GYPC: variants seen among roughly 807,000 people sequenced by gnomAD.
GYPC encodes glycophorin-C.
In GYPC, 14 loss-of-function variants were observed where a neutral mutation model predicts 12.6. The observed-to-expected ratio is 1.11, with a 90% CI of 0.74 to 1.74. GYPC has a LOEUF of 1.74. Ranked by LOEUF, GYPC falls within the 40% of genes most tolerant of loss-of-function variation. The pLI is 0.00. For missense variants in GYPC, 225 were observed against 172.1 expected, an observed-to-expected ratio of 1.31 and a Z score of -1.72; for synonymous variants, 78 against 62.1, an observed-to-expected ratio of 1.26 and a Z score of -1.20.
chr2:126,656,421 C>T (rs1007298899), intron 1 of GYPC, 109 bp downstream of exon 1: 53 of 955,018 alleles, frequency 5.5e-5, no homozygotes, highest in Non-Finnish European at 8.0e-5. Context: ...CGGTCCGTGC[C>T]GGGCCTCCAG....
intron 2 of GYPC, 21 bp downstream of exon 2, chr2:126,690,332 C>G: frequency 6.3e-7 from 1 of 1,579,104 alleles, no homozygotes; most frequent in Non-Finnish European, 8.7e-7. Flanking sequence ...ATCACAGAGC[C>G]TCACCATAAT....
chr2:126,693,127 A>G (rs28369996), intron 2 of GYPC, among the ~76,000 whole-genome samples: 27 of 152,334 alleles, frequency 1.8e-4, no homozygotes, highest in African/African-American at 5.1e-4. Flanking sequence ...ACCTAGTGGG[A>G]GATATTTGAG....
intron 1 of GYPC, among the ~76,000 whole-genome samples, chr2:126,677,717 A>G (rs1683046228): frequency 6.6e-6 from 1 of 152,114 alleles, no homozygotes; most frequent in Non-Finnish European, 1.5e-5. Context: ...GGATGAGCAC[A>G]CGAGGGTCCG....
In GYPC at chr2:126,695,935, C is replaced by T; in HGVS notation, c.191-11C>T. 2 of 1,612,646 alleles carry T rather than the reference C, an allele frequency of 1.2e-6. No individual in the cohort carries two copies. Among genetic ancestry groups the T allele is most frequent in the South Asian group, 2.2e-5 (2 of 91,032 alleles). On this transcript the variant is annotated splice_polypyrimidine_tract_variant and intron_variant, in intron 3 of 3. Coordinates refer to ENST00000259254, the MANE Select transcript of GYPC (RefSeq NM_002101.5). ...CCTCAGACTGACCCTTGCACCTCTT[C>T]CCACCTGCAGGTGTGATTGCTGCTG...
At chr2:126,686,131 C>T (rs1372355560) in intron 1 of GYPC, 29 of 985,244 alleles carry the variant, frequency 2.9e-5, no homozygotes, top group Non-Finnish European at 3.4e-5. Context: ...CTTTTTAGCA[C>T]AGTGTCATCT....
intron 2 of GYPC, among the ~76,000 whole-genome samples, chr2:126,691,209 C>T (rs1360313072): frequency 6.6e-6 from 1 of 152,258 alleles, no homozygotes; most frequent in Non-Finnish European, 1.5e-5. Flanking sequence ...AACCTGCATT[C>T]TAAGAAAAGA....
chr2:126,678,046 C>T (rs1683057423), intron 1 of GYPC, among the ~76,000 whole-genome samples: 1 of 152,078 alleles, frequency 6.6e-6, no homozygotes, highest in South Asian at 2.1e-4. Context: ...ACGGTGAAAC[C>T]CCTTCTCTAC....
At chr2:126,661,164 G>A (rs1682525274) in intron 1 of GYPC, among the ~76,000 whole-genome samples, 1 of 152,168 alleles carries the variant, frequency 6.6e-6, no homozygotes, top group South Asian at 2.1e-4. Context: ...GGCGAGGGTT[G>A]GGTGGACCCT....
Position 126,694,392 on chromosome 2 carries a change from G to C in GYPC, c.190+445G>C, listed in dbSNP as rs1191648234. Reference sequence around the variant, plus strand: ...TTGCCTTGCTTTGAACCCTGGGCAAGGGGCTCCCCATGGGTCATGGCTGTG... The same window carrying C: ...TTGCCTTGCTTTGAACCCTGGGCAACGGGCTCCCCATGGGTCATGGCTGTG... On this transcript the variant is annotated intron_variant, in intron 3 of 3. Coordinates refer to ENST00000259254, the MANE Select transcript of GYPC (RefSeq NM_002101.5). Among the ~76,000 whole-genome samples, 12 of 152,116 alleles carry C rather than the reference G, an allele frequency of 7.9e-5. No individual in the cohort carries two copies. The South Asian group carries it at 8.3e-4, about 11-fold the overall frequency.
intron 3 of GYPC, among the ~76,000 whole-genome samples, chr2:126,695,263 A>G (rs1683608291): frequency 6.6e-6 from 1 of 152,186 alleles, no homozygotes; most frequent in South Asian, 2.1e-4. Context: ...AGAACGGAAA[A>G]TCTCCAAACA....
chr2:126,696,660 G>A lies in GYPC; in HGVS notation c.*518G>A, dbSNP rs1349484447. ...GAACGATTGGAAATAAATTTGAAAT[G>A]TAACCGAGCATTCCGAGTCCAACAG... On this transcript the variant is annotated 3_prime_UTR_variant, in exon 4 of 4. Transcript: ENST00000259254. The A allele has an allele frequency of 4.5e-6, 1 of 224,316 alleles. No homozygotes were observed. Among genetic ancestry groups the A allele is most frequent in the Non-Finnish European group, 8.9e-6 (1 of 111,854 alleles). 13.9% of individuals were successfully genotyped at this position (224,316 alleles called of 1,614,324 possible). A position where few individuals can be genotyped will look rare whatever the true frequency, so the allele number is the denominator to read the frequency against.
At chr2:126,672,292 G>A (rs1022009652) in intron 1 of GYPC, among the ~76,000 whole-genome samples, 11 of 152,122 alleles carry the variant, frequency 7.2e-5, no homozygotes, top group East Asian at 3.9e-4. Flanking sequence ...AGGAAGGCCC[G>A]GGCAACCTGT....
Position 126,663,950 on chromosome 2 carries a change from G to GTCTCTCTCTCTC in GYPC, c.49+7678_49+7689dup, listed in dbSNP as rs61649506. Among the ~76,000 whole-genome samples the GTCTCTCTCTCTC allele has an allele frequency of 1.5e-4, 19 of 129,930 alleles. 1 individual carries two copies. The highest frequency in any genetic ancestry group is 3.4e-4 in the African/African-American group (11 of 32,136). 85.2% of individuals were successfully genotyped at this position (129,930 alleles called of 152,430 possible). On this transcript the variant is annotated intron_variant, in intron 1 of 3. Coordinates refer to ENST00000259254, the MANE Select transcript of GYPC (RefSeq NM_002101.5). ...GGAGCTGGGTCTCTCTAAGGTTCTG[G>GTCTCTCTCTCTC]TCTCTCTCTCTCTCTCTCTCTCTCT... is the stretch of plus-strand genomic sequence containing the variant.
chr2:126,670,947 A>AAGGG (rs1682836372), intron 1 of GYPC, among the ~76,000 whole-genome samples: 1 of 152,128 alleles, frequency 6.6e-6, no homozygotes, highest in African/African-American at 2.4e-5. Flanking sequence ...TAAACTATTT[A>AAGGG]CTGTCCAGCC....
At position 126,685,896 on chromosome 2, in the gene GYPC, C is replaced by T. The variant is rs180805939; in HGVS notation, c.50-4359C>T. 84 of 985,350 alleles carry T rather than the reference C, an allele frequency of 8.5e-5. No homozygotes were observed. The South Asian group carries it at 2.5e-3, about 30-fold the overall frequency. 61.0% of individuals were successfully genotyped at this position (985,350 alleles called of 1,614,324 possible). On this transcript the variant is annotated intron_variant, in intron 1 of 3. Transcript: ENST00000259254. Reference sequence around the variant, plus strand: ...TGATTTTGAGGCTGAAATCATCTTCCTCCTCCCAGAACACCTAGGTGTTCT... The same window carrying T: ...TGATTTTGAGGCTGAAATCATCTTCTTCCTCCCAGAACACCTAGGTGTTCT...
Position 126,688,693 on chromosome 2 carries a change from G to C in GYPC, c.50-1562G>C, listed in dbSNP as rs143872381. On this transcript the variant is annotated intron_variant, in intron 1 of 3. Coordinates refer to ENST00000259254, the MANE Select transcript of GYPC (RefSeq NM_002101.5). ...ACCTCCAAGCTCCTTGGTGGCCCCA[G>C]ACACCACTAGCTTGGCCCACCTGCT... 3.6e-3 allele frequency among the ~76,000 whole-genome samples: 551 copies of C among 152,184 alleles called. 7 individuals are homozygous for C. The highest frequency in any genetic ancestry group is 0.013 in the African/African-American group (522 of 41,472).
At chr2:126,673,311 G>A (rs1682903832) in intron 1 of GYPC, among the ~76,000 whole-genome samples, 1 of 152,146 alleles carries the variant, frequency 6.6e-6, no homozygotes, top group Non-Finnish European at 1.5e-5. Flanking sequence ...GCATCTGTCT[G>A]TACTTGGAAT....
At chr2:126,665,716 C>A (rs1355782464) in intron 1 of GYPC, among the ~76,000 whole-genome samples, 1 of 152,220 alleles carries the variant, frequency 6.6e-6, no homozygotes, top group Non-Finnish European at 1.5e-5. Context: ...GCTGTGCACG[C>A]CCTGGCAAGC....
At chr2:126,672,519 G>A (rs1025314796) in intron 1 of GYPC, among the ~76,000 whole-genome samples, 2 of 152,206 alleles carry the variant, frequency 1.3e-5, no homozygotes, top group African/African-American at 4.8e-5. Context: ...TGCAGGGAAT[G>A]AGTGTGAGTG....
Sources: gnomAD v4.1 joint callset for allele counts (sites outside exome capture counted in the v4.1 genomes callset) on GRCh38, gnomAD v4.1.1 for gene constraint, MANE v1.5 for transcripts, NCBI Gene and HGNC (gene_info 2026-07-23, HGNC 2026-07-21) for gene names.